The following ALKBH1 variants were observed in gnomAD, a reference collection of about 807,000 sequenced individuals.
The protein encoded by ALKBH1 is alkB homolog 1, histone H2A dioxygenase, also known as nucleic acid dioxygenase ALKBH1.
In ALKBH1, 31 loss-of-function variants were observed where a neutral mutation model predicts 36.6. That is an observed-to-expected ratio of 0.85 (90% confidence interval 0.64 to 1.14). The LOEUF (loss-of-function observed/expected upper bound fraction) is 1.14. ALKBH1 is among the 50% of genes most tolerant of loss of function. The pLI, the probability that ALKBH1 is intolerant of heterozygous loss-of-function variation, is 0.00. For missense variants in ALKBH1, 490 were observed against 497.3 expected (o/e 0.99, Z 0.14); for synonymous variants, 183 against 186.6 (o/e 0.98, Z 0.16).
At chr14:77,699,666 T>C (rs916265804) in intron 2 of ALKBH1, among the ~76,000 whole-genome samples, 3 of 152,016 alleles carry the variant, frequency 2.0e-5, no homozygotes, top group African/African-American at 7.3e-5. Flanking sequence ...AAACAAACAA[T>C]CTGGGATACG....
At chr14:77,690,667 C>G (rs531227127) in intron 3 of ALKBH1, among the ~76,000 whole-genome samples, 9 of 152,204 alleles carry the variant, frequency 5.9e-5, no homozygotes, top group Admixed American at 3.9e-4. Context: ...TTTTTTAATC[C>G]TTGCACAGCA....
At chr14:77,698,833 C>CCA (rs2080343242) in intron 2 of ALKBH1, among the ~76,000 whole-genome samples, 1 of 152,248 alleles carries the variant, frequency 6.6e-6, no homozygotes, top group East Asian at 1.9e-4. Context: ...ACTGCCACCT[C>CCA]CACCTCCCTG....
intron 3 of ALKBH1, among the ~76,000 whole-genome samples, chr14:77,684,600 A>G (rs1381559434): frequency 6.6e-6 from 1 of 152,172 alleles, no homozygotes; most frequent in Admixed American, 6.6e-5. Flanking sequence ...ACCTCAGGTG[A>G]TCCACCTGCC....
chr14:77,685,445 AC>A (rs374010965), intron 3 of ALKBH1, among the ~76,000 whole-genome samples: 64 of 139,174 alleles, frequency 4.6e-4, no homozygotes, highest in African/African-American at 1.6e-3. Context: ...TTAAAAAAAA[AC>A]ACAAAAAAAA....
rs1264400143 is a variant in ALKBH1, at chr14:77,673,204, A to C, written c.*608T>G. On this transcript the variant is annotated 3_prime_UTR_variant, in exon 6 of 6. Coordinates refer to ENST00000216489, the MANE Select transcript of ALKBH1 (RefSeq NM_006020.3). ...ACTAAATTCCCCTTTCCTTGGGTTTACCTATATTTATCTTTTAGGCAAGAG... is the reference window on the plus strand; with the variant it reads ...ACTAAATTCCCCTTTCCTTGGGTTTCCCTATATTTATCTTTTAGGCAAGAG... 6.6e-6 allele frequency: 1 copy of C among 152,290 alleles called. No individual in the cohort carries two copies. Among genetic ancestry groups the C allele is most frequent in the East Asian group, 1.9e-4 (1 of 5,202 alleles). 9.4% of individuals were successfully genotyped at this position (152,290 alleles called of 1,614,324 possible).
At chr14:77,699,135 G>A (rs963416252) in intron 2 of ALKBH1, among the ~76,000 whole-genome samples, 1 of 152,142 alleles carries the variant, frequency 6.6e-6, no homozygotes, top group Non-Finnish European at 1.5e-5. Flanking sequence ...TACATAGTAA[G>A]TAAACAAAAA....
rs1446824877 is a variant in ALKBH1, at chr14:77,673,935, T to G, written c.1047A>C (p.Thr349=). 1.9e-6 allele frequency: 3 copies of G among 1,614,114 alleles called. No individual in the cohort carries two copies. The highest frequency in any genetic ancestry group is 2.2e-5 in the South Asian group (2 of 91,088). The stretch of plus-strand genomic sequence containing the variant: ...TGGGTTCTAGAGGGAAATTCTGGTC[T>G]GTGGCCAGGACCTGTCGGACAGTCA... ...VNMTVRQVLA[T]DQNFPLEPIE... The change falls in exon 6 of 6, where the codon ACA becomes ACC. Residue 349 remains threonine, a synonymous_variant. Transcript: ENST00000216489.
intron 2 of ALKBH1, among the ~76,000 whole-genome samples, chr14:77,700,605 C>T (rs1248976569): frequency 2.0e-5 from 3 of 152,050 alleles, no homozygotes; most frequent in Non-Finnish European, 2.9e-5. Context: ...AGATAGGAAA[C>T]CCCCCAACAA....
At chr14:77,679,637 C>T (rs112425711) in intron 4 of ALKBH1, among the ~76,000 whole-genome samples, 1,903 of 152,220 alleles carry the variant, frequency 0.013, 35 homozygotes, top group African/African-American at 0.041. Flanking sequence ...TGCCACGTTG[C>T]CCAGGCTGGC....
Position 77,673,842 on chromosome 14 carries a change from T to C in ALKBH1, c.1140A>G (p.Val380=). The stretch of plus-strand genomic sequence containing the variant: ...TGTCAGGGTTTATCCTGGCCCGTTT[T>C]ACTTCGCTATTCTGGTCATCCAGAT... ...FCHLDDQNSE[V]KRARINPDS The change falls in exon 6 of 6, where the codon GTA becomes GTG. Residue 380 remains valine, a synonymous_variant. Coordinates refer to ENST00000216489, the MANE Select transcript of ALKBH1 (RefSeq NM_006020.3). The C allele has an allele frequency of 6.2e-7, 1 of 1,614,052 alleles. No homozygotes were observed. Among genetic ancestry groups the C allele is most frequent in the Non-Finnish European group, 8.5e-7 (1 of 1,179,950 alleles).
At chr14:77,685,109 A>G (rs1189754376) in intron 3 of ALKBH1, among the ~76,000 whole-genome samples, 1 of 152,248 alleles carries the variant, frequency 6.6e-6, no homozygotes, top group African/African-American at 2.4e-5. Context: ...TCATCCTGTA[A>G]TATACCTTTT....
rs1235900036 is a variant in ALKBH1 at position 77,693,143 on chromosome 14, T to A, written c.455+1595A>T. Among the ~76,000 whole-genome samples the A allele has an allele frequency of 2.0e-5, 3 of 150,534 alleles. No homozygotes were observed. In the East Asian group the frequency reaches 5.9e-4, roughly 29 times the overall value. On this transcript the variant is annotated intron_variant, in intron 3 of 5. Coordinates refer to ENST00000216489, the MANE Select transcript of ALKBH1 (RefSeq NM_006020.3). ...ATTGCTTGAACCCGGGAGGTGGAGGTTGCAGTGGGCCAAGATCATGCCATT... is the reference window on the plus strand; with the variant it reads ...ATTGCTTGAACCCGGGAGGTGGAGGATGCAGTGGGCCAAGATCATGCCATT...
intron 3 of ALKBH1, chr14:77,683,509 C>T: frequency 1.5e-6 from 1 of 678,408 alleles, no homozygotes; most frequent in South Asian, 1.5e-5. Flanking sequence ...TTTGCCATGG[C>T]AACATTTATG....
intron 1 of ALKBH1, among the ~76,000 whole-genome samples, chr14:77,705,112 G>C (rs2080380889): frequency 1.3e-5 from 2 of 152,036 alleles, no homozygotes; most frequent in Admixed American, 1.3e-4. Context: ...AGCTGGACAG[G>C]GTGAGAAAAT....
intron 4 of ALKBH1, 26 bp from the exon 5 acceptor site, chr14:77,675,875 A>G (rs1464664239): frequency 1.9e-6 from 3 of 1,556,320 alleles, no homozygotes; most frequent in Admixed American, 3.4e-5. Flanking sequence ...AGAGAATAAG[A>G]AAAATAAACA....
chr14:77,688,444 C>G (rs1166468304), intron 3 of ALKBH1, among the ~76,000 whole-genome samples: 2 of 151,800 alleles, frequency 1.3e-5, no homozygotes, highest in Non-Finnish European at 2.9e-5. Flanking sequence ...TTAGTAGAGA[C>G]AGAGTTTCAC....
In ALKBH1 at chr14:77,673,543, G is replaced by C. The variant is rs984597250; in HGVS notation, c.*269C>G. 1 of 423,784 alleles carries C rather than the reference G, an allele frequency of 2.4e-6. No individual in the cohort carries two copies. Among genetic ancestry groups the C allele is most frequent in the African/African-American group, 2.0e-5 (1 of 50,600 alleles). 26.3% of individuals were successfully genotyped at this position (423,784 alleles called of 1,614,324 possible). ...GGAAATAGCAGAGGCTGAGAAGGCT[G>C]TTGTGGAAGAACATACCTCCTTGGA... On this transcript the variant is annotated 3_prime_UTR_variant, in exon 6 of 6. Coordinates refer to ENST00000216489, the MANE Select transcript of ALKBH1 (RefSeq NM_006020.3).
At chr14:77,682,794 T>C (rs1350940593) in intron 3 of ALKBH1, among the ~76,000 whole-genome samples, 4 of 152,108 alleles carry the variant, frequency 2.6e-5, no homozygotes, top group Non-Finnish European at 5.9e-5. Context: ...GCCTCCCAGG[T>C]TGAAGTGATT....
chr14:77,674,021 G>C lies in ALKBH1; in HGVS notation c.961C>G (p.Pro321Ala), dbSNP rs939499518. 1 of 1,614,180 alleles carries C rather than the reference G, an allele frequency of 6.2e-7. No individual in the cohort carries two copies. The highest frequency in any genetic ancestry group is 8.5e-7 in the Non-Finnish European group (1 of 1,180,040). ...AVLPRDSMVE[P>A]CSMEDWQVCA... ...ACCTGCCAGTCCTCCATAGAACAAGGCTCTACCATTGAATCTCTCGGGAGG... is the reference window on the plus strand; with the variant it reads ...ACCTGCCAGTCCTCCATAGAACAAGCCTCTACCATTGAATCTCTCGGGAGG... Residue 321 changes from proline to alanine, a missense_variant, in exon 6 of 6, where the codon CCT (proline) becomes GCT (alanine). Pro to Ala is a conservative substitution (Grantham distance 27). Coordinates refer to ENST00000216489, the MANE Select transcript of ALKBH1 (RefSeq NM_006020.3).
Sources: allele counts gnomAD v4.1 joint callset (sites outside exome capture counted in the v4.1 genomes callset), GRCh38; gene constraint gnomAD v4.1.1; transcripts MANE v1.5; gene names NCBI Gene and HGNC (gene_info 2026-07-23, HGNC 2026-07-21).